The following TTC27 variants were observed in gnomAD, a reference collection of about 807,000 sequenced individuals.
TTC27 encodes the protein tetratricopeptide repeat domain 27.
TTC27 carries 79 observed loss-of-function variants against 115.9 expected under a neutral mutation model. The ratio of observed to expected loss-of-function variants is 0.68; its 90% CI spans 0.57 to 0.82. The LOEUF is 0.82. TTC27 is among the 40% of genes least tolerant of loss of function. TTC27 has a pLI of 0.00. For missense variants in TTC27, 1,054 were observed against 993.1 expected (o/e 1.06, Z -0.82); for synonymous variants, 401 against 356.0 (o/e 1.13, Z -1.42).
At chr2:32,666,183 G>A (rs1665768129) in intron 6 of TTC27, among the ~76,000 whole-genome samples, 2 of 152,166 alleles carry the variant, frequency 1.3e-5, no homozygotes, top group African/African-American at 4.8e-5. Flanking sequence ...CATGAAGTCA[G>A]ATAGTGTAAT....
intron 5 of TTC27, among the ~76,000 whole-genome samples, chr2:32,657,393 G>A (rs531604519): frequency 4.4e-5 from 6 of 136,228 alleles, no homozygotes; most frequent in African/African-American, 1.1e-4. Context: ...TCTCTCTGTC[G>A]CCCAAGCTGG....
intron 18 of TTC27, among the ~76,000 whole-genome samples, chr2:32,814,130 C>T (rs145232058): frequency 0.013 from 2,056 of 152,308 alleles, 136 homozygotes; most frequent in Admixed American, 0.12. Flanking sequence ...CTAAGCATTT[C>T]TATGAACTGC....
At chr2:32,709,665 C>T (rs1471724875) in intron 10 of TTC27, among the ~76,000 whole-genome samples, 1 of 148,362 alleles carries the variant, frequency 6.7e-6, no homozygotes, top group Non-Finnish European at 1.5e-5. Flanking sequence ...CTTCTCTTCC[C>T]TATCACTGGA....
Position 32,764,876 on chromosome 2 carries a change from G to A in TTC27, c.1680+6357G>A, listed in dbSNP as rs571401837. 2.0e-5 allele frequency among the ~76,000 whole-genome samples: 3 copies of A among 152,314 alleles called. No homozygotes were observed. In the South Asian group the frequency reaches 6.2e-4, roughly 32 times the overall value. ...AAGAGGCAACTTCTCATTTCTTCAA[G>A]TTTTATCATGAGATTATGGCAATTC... is the stretch of plus-strand genomic sequence containing the variant. On this transcript the variant is annotated intron_variant, in intron 13 of 19. Coordinates refer to ENST00000317907, the MANE Select transcript of TTC27 (RefSeq NM_017735.5).
intron 9 of TTC27, among the ~76,000 whole-genome samples, chr2:32,686,924 A>G (rs1428786967): frequency 6.6e-6 from 1 of 152,008 alleles, no homozygotes; most frequent in Non-Finnish European, 1.5e-5. Context: ...GGCTCACTGC[A>G]ACCTCTACCT....
chr2:32,754,189 C>A (rs1669122558), intron 12 of TTC27, among the ~76,000 whole-genome samples: 1 of 148,078 alleles, frequency 6.8e-6, no homozygotes, highest in Non-Finnish European at 1.5e-5. Context: ...GTGTTTCTCG[C>A]AGAGGGGGAT....
intron 5 of TTC27, among the ~76,000 whole-genome samples, chr2:32,653,741 G>T (rs561364509): frequency 6.6e-6 from 1 of 152,204 alleles, no homozygotes; most frequent in East Asian, 1.9e-4. Flanking sequence ...GTCCATTAAG[G>T]ATTTCATTTT....
At chr2:32,795,264 C>G (rs967621021) in intron 16 of TTC27, among the ~76,000 whole-genome samples, 3 of 151,850 alleles carry the variant, frequency 2.0e-5, no homozygotes, top group African/African-American at 4.8e-5. Flanking sequence ...CAAGTGGGCT[C>G]TATTCCTGGA....
intron 16 of TTC27, among the ~76,000 whole-genome samples, chr2:32,790,764 G>A (rs1312687299): frequency 2.0e-5 from 3 of 150,490 alleles, no homozygotes; most frequent in Admixed American, 6.6e-5. Context: ...ATTCCTTTCT[G>A]TATAGTTTGT....
At chr2:32,768,191 A>AT (rs1669705294) in intron 13 of TTC27, among the ~76,000 whole-genome samples, 1 of 152,134 alleles carries the variant, frequency 6.6e-6, no homozygotes, top group African/African-American at 2.4e-5. Flanking sequence ...CTCCTTTATT[A>AT]TTTTTTAATG....
intron 4 of TTC27, among the ~76,000 whole-genome samples, chr2:32,642,199 G>A (rs1388690151): frequency 6.6e-6 from 1 of 150,804 alleles, no homozygotes; most frequent in Non-Finnish European, 1.5e-5. Context: ...GACTTGGTCT[G>A]TGCTGTGTAA....
chr2:32,769,021 T>A (rs1669733336), intron 13 of TTC27, among the ~76,000 whole-genome samples: 1 of 152,182 alleles, frequency 6.6e-6, no homozygotes, highest in African/African-American at 2.4e-5. Context: ...AAAGCCCTAG[T>A]GAAGCCCAAC....
intron 16 of TTC27, among the ~76,000 whole-genome samples, chr2:32,807,831 C>T (rs1226975063): frequency 2.6e-5 from 4 of 151,856 alleles, no homozygotes; most frequent in African/African-American, 9.7e-5. Flanking sequence ...GATCGACTTT[C>T]CTTGTAACTT....
intron 5 of TTC27, among the ~76,000 whole-genome samples, chr2:32,652,928 C>T (rs1442550753): frequency 6.6e-6 from 1 of 151,992 alleles, no homozygotes; most frequent in African/African-American, 2.4e-5. Flanking sequence ...AGGCGTGTTA[C>T]ACCAGTATAA....
chr2:32,675,171 C>T (rs899333159), intron 8 of TTC27, among the ~76,000 whole-genome samples: 14 of 152,116 alleles, frequency 9.2e-5, no homozygotes, highest in African/African-American at 3.1e-4. Flanking sequence ...GAAAACAAGG[C>T]TCAAATAGCT....
At chr2:32,700,221 T>C (rs1346127825) in intron 9 of TTC27, among the ~76,000 whole-genome samples, 2 of 152,144 alleles carry the variant, frequency 1.3e-5, no homozygotes, top group Non-Finnish European at 2.9e-5. Context: ...TCTTACTTAC[T>C]TAATGCTCCC....
chr2:32,675,910 G>A (rs1362312374), intron 8 of TTC27, among the ~76,000 whole-genome samples: 2 of 151,952 alleles, frequency 1.3e-5, no homozygotes, highest in African/African-American at 4.8e-5. Flanking sequence ...TCTTGCCTCA[G>A]CCTCCTGAGT....
At chr2:32,755,575 AAG>A (rs1669204109) in intron 12 of TTC27, among the ~76,000 whole-genome samples, 1 of 151,914 alleles carries the variant, frequency 6.6e-6, no homozygotes, top group African/African-American at 2.4e-5. Context: ...AGACCTTGGA[AAG>A]AGAGGGAGAG....
At chr2:32,735,581 G>A (rs919525580) in intron 11 of TTC27, among the ~76,000 whole-genome samples, 23 of 152,092 alleles carry the variant, frequency 1.5e-4, no homozygotes, top group African/African-American at 5.1e-4. Context: ...CTTGCATCAT[G>A]GGGACTATCT....
Sources: gnomAD v4.1 joint callset for allele counts (sites outside exome capture counted in the v4.1 genomes callset) on GRCh38, gnomAD v4.1.1 for gene constraint, MANE v1.5 for transcripts, NCBI Gene and HGNC (gene_info 2026-07-23, HGNC 2026-07-21) for gene names.